Variants in ABI2 observed in about 807,000 individuals in gnomAD.
ABI2 encodes the protein abelson interactor 2.
Under a neutral mutation model 59.2 loss-of-function variants are expected in ABI2, and 25 were observed. That is an observed-to-expected ratio of 0.42 (90% CI 0.31 to 0.59). ABI2 has a LOEUF of 0.59. Among genes scored for constraint, ABI2 ranks in the 20% least tolerant of loss-of-function variants. The pLI, the probability that ABI2 is intolerant of heterozygous loss-of-function variation, is 0.14. For synonymous variants in ABI2, 213 were observed against 235.5 expected, an observed-to-expected ratio of 0.90 and a Z score of 0.87; for missense variants, 545 against 681.8, an observed-to-expected ratio of 0.80 and a Z score of 2.23.
intron 1 of ABI2, among the ~76,000 whole-genome samples, chr2:203,350,862 T>TTTTG (rs2087664555): frequency 7.3e-6 from 1 of 137,810 alleles, no homozygotes; most frequent in African/African-American, 2.6e-5. Flanking sequence ...GTTGTGTGTT[T>TTTTG]TGTGTGTGTG....
chr2:203,376,090 T>C, intron 2 of ABI2: 3 of 1,534,924 alleles, frequency 2.0e-6, no homozygotes, highest in Non-Finnish European at 2.6e-6. Flanking sequence ...AGTCGACTTT[T>C]GTGACCAAAT....
chr2:203,423,752 CATT>C (rs1339436373), intron 11 of ABI2, among the ~76,000 whole-genome samples: 2 of 152,088 alleles, frequency 1.3e-5, no homozygotes, highest in Admixed American at 6.5e-5. Flanking sequence ...GGCATGGTAC[CATT>C]ATTCTTTGCT....
chr2:203,382,227 A>AT, intron 4 of ABI2, 21 bp downstream of exon 4: 2 of 1,524,306 alleles, frequency 1.3e-6, no homozygotes, highest in Middle Eastern at 3.4e-4. Flanking sequence ...CCAGGGCTGG[A>AT]TTTCCATTCT....
At chr2:203,423,857 C>T (rs2098327023) in intron 11 of ABI2, among the ~76,000 whole-genome samples, 1 of 152,106 alleles carries the variant, frequency 6.6e-6, no homozygotes, top group South Asian at 2.1e-4. Flanking sequence ...TTCAGTTTTA[C>T]AGACCTTCAT....
intron 11 of ABI2, among the ~76,000 whole-genome samples, chr2:203,424,609 G>C (rs1397469343): frequency 6.6e-6 from 1 of 152,002 alleles, no homozygotes; most frequent in Non-Finnish European, 1.5e-5. Context: ...ATGTTTCCCA[G>C]ACCAGTCTTG....
At chr2:203,330,085 A>G (rs2152252227) in intron 1 of ABI2, among the ~76,000 whole-genome samples, 1 of 152,286 alleles carries the variant, frequency 6.6e-6, no homozygotes, top group Middle Eastern at 3.4e-3. Flanking sequence ...ATTTTAAAAA[A>G]CAGGTGTTAC....
intron 9 of ABI2, among the ~76,000 whole-genome samples, chr2:203,402,998 T>G (rs541770356): frequency 2.0e-5 from 3 of 152,366 alleles, no homozygotes; most frequent in East Asian, 3.9e-4. Context: ...TATTTGCTTT[T>G]TAAAATAACA....
intron 1 of ABI2, among the ~76,000 whole-genome samples, chr2:203,365,664 CT>C (rs2094325207): frequency 9.2e-6 from 1 of 108,570 alleles, no homozygotes; most frequent in Admixed American, 1.5e-4. Context: ...GAGTCTCACT[CT>C]GTTGCCCAGG....
At position 203,366,973 on chromosome 2, in the gene ABI2, G is replaced by A. The variant is rs1259344841; in HGVS notation, c.214G>A (p.Val72Ile). ...AYLINTLANN[V>I]LQMLDIQASQ... ...TCTGATAAACACCTTGGCCAACAAT[G>A]TCCTGCAGATGCTGGATATCCAGGC... Residue 72 changes from valine to isoleucine, a missense_variant, in exon 2 of 12, where the codon GTC (valine) becomes ATC (isoleucine). Coordinates refer to ENST00000261018, the MANE Select transcript of ABI2 (RefSeq NM_001375670.1). The A allele has an allele frequency of 6.2e-7, 1 of 1,613,860 alleles. No homozygotes were observed. Among genetic ancestry groups the A allele is most frequent in the Admixed American group, 1.7e-5 (1 of 59,996 alleles).
chr2:203,330,985 TGTG>T (rs1171752047), intron 1 of ABI2, among the ~76,000 whole-genome samples: 2 of 152,202 alleles, frequency 1.3e-5, no homozygotes, highest in South Asian at 2.1e-4. Context: ...CAAAATTTAG[TGTG>T]GTGACATTTT....
At chr2:203,340,393 G>A (rs115340749) in intron 1 of ABI2, among the ~76,000 whole-genome samples, 3,228 of 151,156 alleles carry the variant, frequency 0.021, 129 homozygotes, top group African/African-American at 0.074. Flanking sequence ...TTGAGACAGC[G>A]TCTTGTTCTG....
chr2:203,392,733 T>G (rs2096814108), intron 5 of ABI2, among the ~76,000 whole-genome samples: 1 of 152,084 alleles, frequency 6.6e-6, no homozygotes. Context: ...GTCAAGATTG[T>G]TAGTAAGATA....
intron 4 of ABI2, among the ~76,000 whole-genome samples, chr2:203,386,262 C>G (rs2096504061): frequency 6.6e-6 from 1 of 151,932 alleles, no homozygotes; most frequent in African/African-American, 2.4e-5. Flanking sequence ...CACACTTCCC[C>G]TCTTCTATTT....
chr2:203,392,501 G>A (rs1249952412), intron 5 of ABI2, among the ~76,000 whole-genome samples: 1 of 152,162 alleles, frequency 6.6e-6, no homozygotes, highest in Admixed American at 6.5e-5. Context: ...GGAATAGGAT[G>A]ACTTTATTAG....
intron 11 of ABI2, among the ~76,000 whole-genome samples, chr2:203,419,544 ATT>A (rs78060075): frequency 4.0e-5 from 5 of 123,816 alleles, no homozygotes; most frequent in Admixed American, 8.3e-5. Context: ...AATTTTTTGT[ATT>A]TTTTTTTTTT....
intron 11 of ABI2, 83 bp from the exon 12 acceptor site, chr2:203,427,094 C>A: frequency 8.2e-7 from 1 of 1,224,858 alleles, no homozygotes; most frequent in Non-Finnish European, 1.2e-6. Flanking sequence ...GATTTGGGAA[C>A]AGATAGCTAT....
chr2:203,332,089 C>T (rs996898491), intron 1 of ABI2, among the ~76,000 whole-genome samples: 1 of 151,590 alleles, frequency 6.6e-6, no homozygotes, highest in African/African-American at 2.4e-5. Flanking sequence ...GGATTACAGG[C>T]GTGAGCCACC....
intron 1 of ABI2, among the ~76,000 whole-genome samples, chr2:203,354,726 C>G (rs576322935): frequency 6.6e-6 from 1 of 152,288 alleles, no homozygotes; most frequent in South Asian, 2.1e-4. Context: ...CCAGGTGATA[C>G]TTGTATATGC....
chr2:203,414,262 C>T (rs1357321200), intron 10 of ABI2, among the ~76,000 whole-genome samples: 3 of 151,942 alleles, frequency 2.0e-5, no homozygotes, highest in Non-Finnish European at 2.9e-5. Flanking sequence ...CCACCATGTG[C>T]GTCTAATTTT....
Sources: allele counts gnomAD v4.1 joint callset (sites outside exome capture counted in the v4.1 genomes callset), GRCh38; gene constraint gnomAD v4.1.1; transcripts MANE v1.5; gene names NCBI Gene and HGNC (gene_info 2026-07-23, HGNC 2026-07-21).